MAF: variants seen among roughly 807,000 people sequenced by gnomAD.
MAF encodes the protein transcription factor Maf.
In MAF, 10 loss-of-function variants were observed where a neutral mutation model predicts 22.0. That is an observed-to-expected ratio of 0.45 (90% CI 0.28 to 0.77). The LOEUF is 0.77. Among genes scored for constraint, MAF ranks in the 30% least tolerant of loss-of-function variants. The pLI is 0.12. For synonymous variants in MAF, 337 were observed against 255.8 expected (o/e 1.32, Z -3.03); for missense variants, 544 against 548.4 (o/e 0.99, Z 0.08).
chr16:79,339,429 G>A, the MAF span, among the ~76,000 whole-genome samples: 1 of 152,146 alleles, frequency 6.6e-6, no homozygotes, highest in Non-Finnish European at 1.5e-5. Flanking sequence ...GGGTGCAGAT[G>A]CCATTGAGGC....
At chr16:79,280,684 G>A in the MAF span, among the ~76,000 whole-genome samples, 1 of 152,160 alleles carries the variant, frequency 6.6e-6, no homozygotes, top group African/African-American at 2.4e-5. Flanking sequence ...TGGGCTCAGG[G>A]TGATGCTAGA....
At chr16:79,442,175 G>A in the MAF span, among the ~76,000 whole-genome samples, 267 of 152,288 alleles carry the variant, frequency 1.8e-3, no homozygotes, top group African/African-American at 6.3e-3. Context: ...CACATTTATA[G>A]GATTCTCTTA....
At chr16:79,335,864 G>A in the MAF span, among the ~76,000 whole-genome samples, 1 of 152,190 alleles carries the variant, frequency 6.6e-6, no homozygotes, top group South Asian at 2.1e-4. Flanking sequence ...GGGGCGAAGA[G>A]ACAGCCCGGT....
At chr16:79,211,502 C>A in the MAF span, 1 of 1,452,168 alleles carries the variant, frequency 6.9e-7, no homozygotes. Context: ...CCAGCTGAAA[C>A]TGAACCAGGT....
chr16:79,309,653 C>T, the MAF span, among the ~76,000 whole-genome samples: 13 of 152,086 alleles, frequency 8.5e-5, no homozygotes, highest in Admixed American at 5.2e-4. Flanking sequence ...TCTCTGAGTC[C>T]CCATCCACAG....
the MAF span, among the ~76,000 whole-genome samples, chr16:79,248,810 A>T: frequency 6.7e-6 from 1 of 150,324 alleles, no homozygotes; most frequent in Non-Finnish European, 1.5e-5. Context: ...AAAAAAAAAA[A>T]TTCAGCTTAG....
the MAF span, among the ~76,000 whole-genome samples, chr16:79,429,643 G>A: frequency 1.3e-5 from 2 of 152,112 alleles, no homozygotes; most frequent in Non-Finnish European, 2.9e-5. Flanking sequence ...TGGTTTCTCG[G>A]GCTCCTCTCC....
the MAF span, among the ~76,000 whole-genome samples, chr16:79,574,511 T>C: frequency 0.31 from 47,563 of 152,070 alleles, 7,883 homozygotes; most frequent in Non-Finnish European, 0.38. Flanking sequence ...CGTCTATGCA[T>C]CTCTCTTAGT....
the MAF span, among the ~76,000 whole-genome samples, chr16:79,439,580 T>G: frequency 6.6e-6 from 1 of 152,146 alleles, no homozygotes; most frequent in South Asian, 2.1e-4. Flanking sequence ...TATTTATTAA[T>G]CTCTTCTTGC....
the MAF span, among the ~76,000 whole-genome samples, chr16:79,379,738 G>A: frequency 6.6e-6 from 1 of 152,158 alleles, no homozygotes; most frequent in Non-Finnish European, 1.5e-5. Flanking sequence ...GTGATGCAAG[G>A]AAGGGCAGCC....
At chr16:79,466,670 G>A in the MAF span, among the ~76,000 whole-genome samples, 1 of 152,234 alleles carries the variant, frequency 6.6e-6, no homozygotes, top group Non-Finnish European at 1.5e-5. Flanking sequence ...AATAATGTGT[G>A]TGATGCTTGA....
the MAF span, among the ~76,000 whole-genome samples, chr16:79,522,434 T>G: frequency 6.6e-6 from 1 of 151,940 alleles, no homozygotes; most frequent in Non-Finnish European, 1.5e-5. Context: ...GTTTGCAGAG[T>G]CCTCACCACT....
the MAF span, among the ~76,000 whole-genome samples, chr16:79,520,361 T>C: frequency 6.6e-6 from 1 of 152,080 alleles, no homozygotes; most frequent in Non-Finnish European, 1.5e-5. Context: ...TCCCATCTCC[T>C]CTGCAGCCAT....
At chr16:79,398,903 C>T in the MAF span, among the ~76,000 whole-genome samples, 2 of 152,346 alleles carry the variant, frequency 1.3e-5, no homozygotes, top group Middle Eastern at 3.4e-3. Context: ...ATCCTAGCCC[C>T]ATGGCTCCCT....
the MAF span, among the ~76,000 whole-genome samples, chr16:79,254,267 C>G: frequency 6.6e-6 from 1 of 152,114 alleles, no homozygotes; most frequent in Admixed American, 6.5e-5. Context: ...CTTTCTCTCT[C>G]TACATTTATA....
downstream of MAF, among the ~76,000 whole-genome samples, chr16:79,585,030 T>A (rs1014110064): frequency 8.5e-5 from 13 of 152,140 alleles, no homozygotes; most frequent in East Asian, 1.2e-3. Context: ...AAAAATATAT[T>A]TCATGCAAAT....
the MAF span, among the ~76,000 whole-genome samples, chr16:79,428,049 G>T: frequency 5.2e-5 from 7 of 135,568 alleles, no homozygotes; most frequent in South Asian, 5.0e-4. Context: ...CCGAGATCGC[G>T]CCACTGCACT....
chr16:79,331,023 G>A, the MAF span, among the ~76,000 whole-genome samples: 3 of 152,188 alleles, frequency 2.0e-5, no homozygotes, highest in East Asian at 3.8e-4. Context: ...GGAGAAAAAT[G>A]AACCTCTGGG....
chr16:79,384,194 A>C, the MAF span, among the ~76,000 whole-genome samples: 2 of 152,144 alleles, frequency 1.3e-5, no homozygotes, highest in Admixed American at 1.3e-4. Flanking sequence ...TTGTAATCTT[A>C]CCACTTTGGG....
Sources: allele counts gnomAD v4.1 joint callset (sites outside exome capture counted in the v4.1 genomes callset), GRCh38; gene constraint gnomAD v4.1.1; transcripts MANE v1.5; gene names NCBI Gene and HGNC (gene_info 2026-07-23, HGNC 2026-07-21).